ZNF160: variants seen among roughly 807,000 people sequenced by gnomAD.
ZNF160 encodes the protein KRAB zinc finger protein KR18.
ZNF160 carries 9 observed loss-of-function variants against 13.1 expected under a neutral mutation model. The observed-to-expected ratio is 0.69, with a 90% CI of 0.41 to 1.20. ZNF160 has a LOEUF of 1.20. Among genes scored for constraint, ZNF160 ranks in the 50% most tolerant of loss-of-function variants. ZNF160 has a pLI of 0.01. For synonymous variants in ZNF160, 293 were observed against 333.2 expected, an observed-to-expected ratio of 0.88 and a Z score of 1.31; for missense variants, 838 against 988.0, an observed-to-expected ratio of 0.85 and a Z score of 2.04.
At chr19:53,086,212 G>A in intron 3 of ZNF160, 50 bp downstream of exon 3, 1 of 1,547,508 alleles carries the variant, frequency 6.5e-7, no homozygotes, top group Non-Finnish European at 8.8e-7. Flanking sequence ...GCCAATGCCA[G>A]GCATTTCAGG....
intron 1 of ZNF160, among the ~76,000 whole-genome samples, chr19:53,097,379 T>G (rs2085275692): frequency 6.8e-6 from 1 of 147,454 alleles, no homozygotes; most frequent in South Asian, 2.2e-4. Context: ...TGCGCCTGAT[T>G]CTTAGGATCC....
At position 53,070,267 on chromosome 19, in the gene ZNF160, A is replaced by G. The variant is rs555011068; in HGVS notation, c.272-5T>C. ...TTGTACATTTAGGAGGGATATCTAC[A>G]AGATATAAAGAACCACATAATTTCC... On this transcript the variant is annotated splice_region_variant and splice_polypyrimidine_tract_variant and intron_variant, in intron 5 of 5. Coordinates refer to ENST00000683776, the MANE Select transcript of ZNF160 (RefSeq NM_001322131.2). 1 of 1,552,610 alleles carries G rather than the reference A, an allele frequency of 6.4e-7. No homozygotes were observed.
At chr19:53,088,033 T>A (rs2084906863) in intron 2 of ZNF160, among the ~76,000 whole-genome samples, 1 of 152,040 alleles carries the variant, frequency 6.6e-6, no homozygotes, top group South Asian at 2.1e-4. Context: ...AGGCAGTGGG[T>A]GTGGACGGAG....
rs142350854 is a variant in ZNF160 at position 53,074,167 on chromosome 19, G to A, written c.244C>T (p.Pro82Ser). The change falls in exon 5 of 6, where the codon CCG becomes TCG. Residue 82 changes from proline to serine, a missense_variant. Physicochemically the swap from Pro to Ser is moderately conservative, Grantham distance 74. Transcript: ENST00000683776. ...GTGACCACGCCTTTGACACATTCCG[G>A]CGTTCTTGGTTTTCTTGCTATTTTC... The part of the protein sequence containing the change: ...CVKIARKPRT[P>S]ECVKGVVTDI... The A allele has an allele frequency of 5.1e-5, 83 of 1,613,664 alleles. No individual in the cohort carries two copies. Among genetic ancestry groups the A allele is most frequent in the Admixed American group, 1.2e-4 (7 of 59,936 alleles).
intron 1 of ZNF160, among the ~76,000 whole-genome samples, chr19:53,102,248 GCCT>G: frequency 1.3e-5 from 2 of 151,760 alleles, no homozygotes; most frequent in South Asian, 4.2e-4. Context: ...CCATCTCCGC[GCCT>G]CCTCTGCTCT....
At chr19:53,082,577 G>A (rs1471471765) in intron 3 of ZNF160, among the ~76,000 whole-genome samples, 1 of 152,172 alleles carries the variant, frequency 6.6e-6, no homozygotes, top group Admixed American at 6.5e-5. Context: ...GGCTAAGGTG[G>A]GAGGATCACT....
At chr19:53,090,032 T>C (rs997597648) in intron 2 of ZNF160, among the ~76,000 whole-genome samples, 2 of 152,056 alleles carry the variant, frequency 1.3e-5, no homozygotes, top group Non-Finnish European at 2.9e-5. Flanking sequence ...CCCTCATCTT[T>C]GCTCCCCCTC....
At chr19:53,086,526 C>G (rs2084839357) in intron 2 of ZNF160, among the ~76,000 whole-genome samples, 2 of 152,062 alleles carry the variant, frequency 1.3e-5, no homozygotes, top group Non-Finnish European at 2.9e-5. Flanking sequence ...GTTTCTGACC[C>G]CTTTCTTCAG....
intron 2 of ZNF160, among the ~76,000 whole-genome samples, chr19:53,088,847 C>T (rs894379987): frequency 5.9e-5 from 9 of 152,090 alleles, no homozygotes; most frequent in South Asian, 2.1e-4. Context: ...ATTCTGACAC[C>T]GTCTACAAAA....
chr19:53,074,412 A>G, intron 4 of ZNF160, 144 bp from the exon 5 acceptor site: 2 of 1,386,666 alleles, frequency 1.4e-6, no homozygotes, highest in East Asian at 5.2e-5. Flanking sequence ...TCATGCCTGT[A>G]ATCCCAGCAT....
At chr19:53,077,668 CAAA>C (rs57869247) in intron 3 of ZNF160, among the ~76,000 whole-genome samples, 2 of 51,158 alleles carry the variant, frequency 3.9e-5, no homozygotes, top group East Asian at 7.1e-4. Flanking sequence ...GACTCCATCT[CAAA>C]AAAAAAAAAA....
chr19:53,095,077 C>A (rs1188178471), intron 1 of ZNF160, among the ~76,000 whole-genome samples: 23 of 126,616 alleles, frequency 1.8e-4, no homozygotes, highest in African/African-American at 6.7e-4. Context: ...CCCGCCCCCA[C>A]GGTAGTCCCA....
intron 5 of ZNF160, among the ~76,000 whole-genome samples, chr19:53,070,473 T>G (rs1007119672): frequency 6.6e-6 from 1 of 151,978 alleles, no homozygotes; most frequent in African/African-American, 2.4e-5. Flanking sequence ...TGCAGTGGTG[T>G]GATCTTGGCT....
rs199941489 is a variant in ZNF160, at chr19:53,068,093, T to C, written c.2441A>G (p.Glu814Gly). ...LASHHRMHTG[E>G]KPYK The stretch of plus-strand genomic sequence containing the variant: ...TCACCACACTCATTTGTAAGGTTTC[T>C]CTCCGGTATGCATTCTGTGATGACT... Residue 814 changes from glutamate (E) to glycine (G), a missense_variant, in exon 6 of 6, where the codon GAG becomes GGG. Physicochemically the swap from Glu to Gly is moderately conservative, Grantham distance 98 (BLOSUM62 -2). This residue lies in a region of ZNF160 where 51 missense variants were observed against 46.9 expected (regional missense o/e 1.09). Transcript: ENST00000683776. 134 of 1,606,296 alleles carry C rather than the reference T, an allele frequency of 8.3e-5. No individual in the cohort carries two copies. The highest frequency in any genetic ancestry group is 4.0e-4 in the Admixed American group (24 of 59,592).
rs2084081521 is a variant in ZNF160 at position 53,069,453 on chromosome 19, A to C, written c.1081T>G (p.Leu361Val). ...AACGGTTTTTCTCCAGTATGAATTAACTGATGGGTAGTTAGGTTTGAATGT... is the reference window on the plus strand; with the variant it reads ...AACGGTTTTTCTCCAGTATGAATTACCTGATGGGTAGTTAGGTTTGAATGT... The part of the protein sequence containing the change: ...RGHSNLTTHQ[L>V]IHTGEKPFKC... The change falls in exon 6 of 6, where the codon TTA becomes GTA. Residue 361 changes from leucine to valine, a missense_variant. By Grantham distance (32) the Leu-to-Val change is conservative (BLOSUM62 1). Around this residue, in one of 3 missense-constraint regions of ZNF160, gnomAD observed 400 missense variants for 538.9 expected, o/e 0.74. Transcript: ENST00000683776. This position sits in a 1 kb window ranked among gnomAD's most constrained non-coding sequence, Gnocchi z 4.4. 1 of 1,612,550 alleles carries C rather than the reference A, an allele frequency of 6.2e-7. No individual in the cohort carries two copies.
chr19:53,091,649 A>C lies in ZNF160; in HGVS notation c.-282T>G, dbSNP rs1405968070. The stretch of plus-strand genomic sequence containing the variant: ...AGGAGAGACCTACCAGCGAGGCTGA[A>C]GCCACTCAGTGGGCTGGGAGCCGGG... On this transcript the variant is annotated 5_prime_UTR_variant, in exon 2 of 6. Coordinates refer to ENST00000683776, the MANE Select transcript of ZNF160 (RefSeq NM_001322131.2). 3.3e-5 allele frequency: 5 copies of C among 152,246 alleles called. No homozygotes were observed. The highest frequency in any genetic ancestry group is 2.0e-4 in the Admixed American group (3 of 15,286). The allele number at this position is 152,246 out of a possible 1,614,324, so 9.4% of individuals were successfully genotyped here.
At chr19:53,072,034 T>G (rs80246631) in intron 5 of ZNF160, among the ~76,000 whole-genome samples, 163 of 152,212 alleles carry the variant, frequency 1.1e-3, no homozygotes, top group African/African-American at 3.9e-3. Context: ...TATATAACTA[T>G]CTATATCCAC....
chr19:53,070,808 G>A (rs1471554137), intron 5 of ZNF160, among the ~76,000 whole-genome samples: 2 of 152,160 alleles, frequency 1.3e-5, no homozygotes, highest in Non-Finnish European at 2.9e-5. Context: ...TAATCCCAAT[G>A]CTTTGGGAGC....
intron 1 of ZNF160, among the ~76,000 whole-genome samples, chr19:53,098,829 C>T (rs778448483): frequency 7.9e-5 from 12 of 151,112 alleles, no homozygotes; most frequent in African/African-American, 1.2e-4. Context: ...TGGAGTAAGG[C>T]GGTGGGGACG....
Sources: allele counts gnomAD v4.1 joint callset (sites outside exome capture counted in the v4.1 genomes callset), GRCh38; gene constraint gnomAD v4.1.1; regional missense constraint gnomAD v4.1.1; non-coding constraint Gnocchi (gnomAD v3.1); transcripts MANE v1.5; gene names NCBI Gene and HGNC (gene_info 2026-07-23, HGNC 2026-07-21).